Variants in WDPCP observed in about 807,000 individuals in gnomAD.
The protein encoded by WDPCP is WD repeat containing planar cell polarity effector, also known as WD repeat-containing and planar cell polarity effector protein fritz homolog.
A neutral mutation model predicts 93.1 loss-of-function variants in WDPCP; 71 were observed. The ratio of observed to expected loss-of-function variants is 0.76; its 90% CI spans 0.63 to 0.93. WDPCP has a LOEUF of 0.93. Among genes scored for constraint, WDPCP ranks in the 40% least tolerant of loss-of-function variants. The probability of loss-of-function intolerance (pLI) is 0.00; values close to 1 mark genes in which losing one functional copy is unlikely to be tolerated. For missense variants in WDPCP, 844 were observed against 887.4 expected (o/e 0.95, Z 0.62); for synonymous variants, 315 against 315.0 (o/e 1.00, Z 0.00).
At chr2:63,260,706 C>T (rs1056886999) in intron 13 of WDPCP, among the ~76,000 whole-genome samples, 2 of 152,156 alleles carry the variant, frequency 1.3e-5, no homozygotes, top group Non-Finnish European at 2.9e-5. Flanking sequence ...CGCACCACCA[C>T]GCCTGGCTAG....
At chr2:63,750,643 G>A (rs1669865241) in intron 2 of WDPCP, among the ~76,000 whole-genome samples, 1 of 152,130 alleles carries the variant, frequency 6.6e-6, no homozygotes, top group African/African-American at 2.4e-5. Context: ...CTAGGTTTTT[G>A]TGAAAGTTCC....
chr2:63,796,108 G>C (rs1035389635), intron 2 of WDPCP, among the ~76,000 whole-genome samples: 1 of 152,198 alleles, frequency 6.6e-6, no homozygotes, highest in Non-Finnish European at 1.5e-5. Context: ...AGATACAAGA[G>C]AGTTATAGCT....
chr2:63,249,781 A>AG (rs2104704441), intron 14 of WDPCP, among the ~76,000 whole-genome samples: 1 of 152,346 alleles, frequency 6.6e-6, no homozygotes, highest in East Asian at 1.9e-4. Context: ...AAAGACCCCC[A>AG]GTGAATGCTT....
chr2:63,455,662 AG>A (rs1346953317), intron 6 of WDPCP, among the ~76,000 whole-genome samples: 1 of 152,144 alleles, frequency 6.6e-6, no homozygotes. Context: ...AACCAACACT[AG>A]TGCACCCAGA....
At chr2:63,495,154 G>A (rs1260696867) in intron 1 of WDPCP, among the ~76,000 whole-genome samples, 2 of 152,120 alleles carry the variant, frequency 1.3e-5, no homozygotes, top group Non-Finnish European at 2.9e-5. Flanking sequence ...GATGCTGGCT[G>A]CCATTGTATA....
chr2:63,225,093 T>TAAAG (rs1398710267), intron 14 of WDPCP, among the ~76,000 whole-genome samples: 2 of 151,562 alleles, frequency 1.3e-5, no homozygotes, highest in Admixed American at 6.6e-5. Context: ...ATAATTTTTA[T>TAAAG]AAAGATACTC....
chr2:63,493,662 T>G (rs1432653700), intron 1 of WDPCP, among the ~76,000 whole-genome samples: 1 of 151,750 alleles, frequency 6.6e-6, no homozygotes, highest in African/African-American at 2.4e-5. Context: ...TACTACCTCA[T>G]CGATTTAGAC....
intron 12 of WDPCP, among the ~76,000 whole-genome samples, chr2:63,323,221 C>G (rs1244947187): frequency 6.6e-6 from 1 of 152,212 alleles, no homozygotes; most frequent in South Asian, 2.1e-4. Flanking sequence ...GGTCCTAACG[C>G]CTGCCAGACA....
In WDPCP at chr2:63,180,744, G is replaced by A. The variant is rs1674178903; in HGVS notation, c.1916-5912C>T. 3.3e-5 allele frequency among the ~76,000 whole-genome samples: 5 copies of A among 152,122 alleles called. No homozygotes were observed. In the South Asian group the frequency reaches 1.0e-3, roughly 31 times the overall value. ...ATGGCAGTTCTATTTGCAGTTCTAT[G>A]AGAAATCTCCATACGGTTTTCCATA... On this transcript the variant is annotated intron_variant, in intron 14 of 17. Coordinates refer to ENST00000272321, the MANE Select transcript of WDPCP (RefSeq NM_015910.7).
At position 63,136,291 on chromosome 2, in the gene WDPCP, T is replaced by C. The variant is rs7585041; in HGVS notation, c.2191-14235A>G. Among the ~76,000 whole-genome samples the C allele has an allele frequency of 1.4e-3, 209 of 152,296 alleles. 1 individual carries two copies. Among genetic ancestry groups the C allele is most frequent in the African/African-American group, 4.8e-3 (201 of 41,564 alleles). On this transcript the variant is annotated intron_variant, in intron 17 of 17. Coordinates refer to ENST00000272321, the MANE Select transcript of WDPCP (RefSeq NM_015910.7). ...TTAAAATAAGTAGTGATTTTAAAAA[T>C]AGTTCATTGCTTACTTTAATTGTAA... is the stretch of plus-strand genomic sequence containing the variant.
intron 9 of WDPCP, among the ~76,000 whole-genome samples, chr2:63,425,085 G>C (rs7598973): frequency 1.3e-5 from 2 of 152,146 alleles, no homozygotes; most frequent in Non-Finnish European, 1.5e-5. Flanking sequence ...TTGTGAAACC[G>C]AGAGCAAGAA....
intron 12 of WDPCP, among the ~76,000 whole-genome samples, chr2:63,335,388 A>G (rs1457484956): frequency 1.3e-5 from 2 of 151,534 alleles, no homozygotes; most frequent in Non-Finnish European, 2.9e-5. Context: ...ACACTAGGTA[A>G]TTTATTCTTT....
intron 3 of WDPCP, among the ~76,000 whole-genome samples, chr2:63,606,328 C>T (rs1393630456): frequency 6.6e-6 from 1 of 152,156 alleles, no homozygotes; most frequent in East Asian, 1.9e-4. Context: ...CTGCAGTGAA[C>T]CATGACAGTA....
intron 2 of WDPCP, among the ~76,000 whole-genome samples, chr2:63,805,157 C>T (rs538407269): frequency 1.2e-4 from 19 of 152,284 alleles, no homozygotes; most frequent in African/African-American, 4.1e-4. Context: ...GAAAGAAAAG[C>T]GTCAGGGACA....
intron 2 of WDPCP, among the ~76,000 whole-genome samples, chr2:63,663,947 C>T (rs969154335): frequency 8.6e-5 from 13 of 151,954 alleles, no homozygotes; most frequent in African/African-American, 1.5e-4. Flanking sequence ...CAACAACCAC[C>T]GCACCTTTAA....
chr2:63,672,214 C>T (rs573920235), intron 2 of WDPCP, among the ~76,000 whole-genome samples: 2 of 152,246 alleles, frequency 1.3e-5, no homozygotes, highest in South Asian at 4.2e-4. Context: ...CTTGTTTGTC[C>T]AGCCAATCCT....
chr2:63,643,694 C>A, intron 3 of WDPCP: 1 of 487,224 alleles, frequency 2.1e-6, no homozygotes, highest in Non-Finnish European at 4.1e-6. Flanking sequence ...TACTTAGCCT[C>A]CTCAGATGTA....
chr2:63,654,034 C>T (rs549762964), intron 2 of WDPCP, among the ~76,000 whole-genome samples: 5 of 151,524 alleles, frequency 3.3e-5, no homozygotes, highest in Admixed American at 6.6e-5. Context: ...TAGACAAGAA[C>T]TTTAAAAGAC....
chr2:63,710,618 A>T (rs949480743), intron 2 of WDPCP, among the ~76,000 whole-genome samples: 3 of 152,236 alleles, frequency 2.0e-5, no homozygotes, highest in Non-Finnish European at 4.4e-5. Flanking sequence ...TAGAAAATAC[A>T]AATGTTTAAA....
Sources: allele counts gnomAD v4.1 joint callset (sites outside exome capture counted in the v4.1 genomes callset), GRCh38; gene constraint gnomAD v4.1.1; transcripts MANE v1.5; gene names NCBI Gene and HGNC (gene_info 2026-07-23, HGNC 2026-07-21).